Variants in TBC1D22A observed in about 807,000 individuals in gnomAD.
TBC1D22A encodes putative GTPase activator.
TBC1D22A carries 38 observed loss-of-function variants against 60.2 expected under a neutral mutation model. That is an observed-to-expected ratio of 0.63 (90% confidence interval 0.49 to 0.83). The LOEUF (loss-of-function observed/expected upper bound fraction) is 0.83. TBC1D22A is among the 40% of genes least tolerant of loss of function. The pLI, the probability that TBC1D22A is intolerant of heterozygous loss-of-function variation, is 0.00. For synonymous variants in TBC1D22A, 302 were observed against 281.7 expected, an observed-to-expected ratio of 1.07 and a Z score of -0.72; for missense variants, 628 against 701.0, an observed-to-expected ratio of 0.90 and a Z score of 1.18.
intron 8 of TBC1D22A, chr22:46,915,575 G>C (rs529614164): frequency 6.6e-6 from 3 of 456,712 alleles, no homozygotes; most frequent in Non-Finnish European, 1.3e-5. Flanking sequence ...GGATGAGCTT[G>C]TGTTGTTACT....
intron 4 of TBC1D22A, among the ~76,000 whole-genome samples, chr22:46,854,937 G>C (rs1569134907): frequency 6.6e-6 from 1 of 152,138 alleles, no homozygotes; most frequent in Non-Finnish European, 1.5e-5. Context: ...TAAAATATAT[G>C]ATAAAACATA....
rs968399491 is a variant in TBC1D22A, at chr22:47,079,696, G to A, written c.1330-31812G>A. Among the ~76,000 whole-genome samples, 4 of 152,154 alleles carry A rather than the reference G, an allele frequency of 2.6e-5. No individual in the cohort carries two copies. In the East Asian group the frequency reaches 5.8e-4, roughly 22 times the overall value. ...GTACTGCAAGATATTTGATTGATCCGAAAGAGTCTGGACATGTAGGAAAAA... is the reference window on the plus strand; with the variant it reads ...GTACTGCAAGATATTTGATTGATCCAAAAGAGTCTGGACATGTAGGAAAAA... On this transcript the variant is annotated intron_variant, in intron 11 of 12. Coordinates refer to ENST00000337137, the MANE Select transcript of TBC1D22A (RefSeq NM_014346.5).
At chr22:47,002,909 G>A (rs908968293) in intron 10 of TBC1D22A, among the ~76,000 whole-genome samples, 4 of 152,296 alleles carry the variant, frequency 2.6e-5, no homozygotes, top group Admixed American at 6.5e-5. Context: ...CAGCCCAGAG[G>A]CCTTCCCAGC....
chr22:47,127,711 A>G (rs2066517027), intron 12 of TBC1D22A, among the ~76,000 whole-genome samples: 1 of 152,060 alleles, frequency 6.6e-6, no homozygotes, highest in African/African-American at 2.4e-5. Flanking sequence ...TGTGAGTGGC[A>G]GGCACTGAGC....
intron 5 of TBC1D22A, among the ~76,000 whole-genome samples, chr22:46,890,633 C>G (rs964071158): frequency 1.3e-5 from 2 of 152,054 alleles, no homozygotes; most frequent in African/African-American, 2.4e-5. Flanking sequence ...CAACAGAAAC[C>G]ATGAAATCCT....
At chr22:46,811,162 G>C (rs801477) in intron 4 of TBC1D22A, among the ~76,000 whole-genome samples, 60,728 of 152,084 alleles carry the variant, frequency 0.4, 12,146 homozygotes, top group South Asian at 0.46. Flanking sequence ...GATTCAGGCA[G>C]TGGATGGTGA....
intron 8 of TBC1D22A, among the ~76,000 whole-genome samples, chr22:46,930,021 T>C (rs889590563): frequency 1.3e-5 from 2 of 152,162 alleles, no homozygotes; most frequent in Non-Finnish European, 2.9e-5. Context: ...CCTGATGTAC[T>C]TTATGCAGAG....
At chr22:47,059,405 C>T (rs2063499822) in intron 11 of TBC1D22A, among the ~76,000 whole-genome samples, 1 of 152,246 alleles carries the variant, frequency 6.6e-6, no homozygotes, top group Non-Finnish European at 1.5e-5. Flanking sequence ...ACTCTCACTT[C>T]ACTTTTCAGA....
chr22:47,162,261 A>T (rs1397443399), intron 12 of TBC1D22A, among the ~76,000 whole-genome samples: 4 of 148,738 alleles, frequency 2.7e-5, no homozygotes, highest in African/African-American at 1.0e-4. Context: ...TTCCTCCTGG[A>T]CTGGGAGTCA....
chr22:47,140,996 T>TA (rs2067063438), intron 12 of TBC1D22A, among the ~76,000 whole-genome samples: 1 of 152,160 alleles, frequency 6.6e-6, no homozygotes, highest in East Asian at 1.9e-4. Context: ...TTTAAAGAAA[T>TA]ACCCGAGACT....
intron 4 of TBC1D22A, among the ~76,000 whole-genome samples, chr22:46,842,820 G>A (rs1227945109): frequency 6.6e-6 from 1 of 152,256 alleles, no homozygotes; most frequent in Non-Finnish European, 1.5e-5. Context: ...AGGTAGGGAT[G>A]TTCCAGAGCT....
chr22:46,807,299 G>C (rs989806513), intron 4 of TBC1D22A, among the ~76,000 whole-genome samples: 45 of 126,956 alleles, frequency 3.5e-4, no homozygotes, highest in African/African-American at 1.2e-3. Context: ...AGTAGTGATG[G>C]CGATGATAAC....
chr22:47,160,211 A>G (rs1258356745), intron 12 of TBC1D22A, among the ~76,000 whole-genome samples: 1 of 152,216 alleles, frequency 6.6e-6, no homozygotes, highest in Non-Finnish European at 1.5e-5. Flanking sequence ...ACGTGTGGAC[A>G]GGACGTGGAC....
intron 4 of TBC1D22A, among the ~76,000 whole-genome samples, chr22:46,872,435 T>C (rs2067334908): frequency 6.6e-6 from 1 of 152,200 alleles, no homozygotes; most frequent in South Asian, 2.1e-4. Context: ...GCAAATTGAC[T>C]TTTGCCTTAA....
intron 9 of TBC1D22A, among the ~76,000 whole-genome samples, chr22:46,986,773 T>C (rs2074740154): frequency 6.6e-6 from 1 of 152,224 alleles, no homozygotes; most frequent in South Asian, 2.1e-4. Flanking sequence ...TGCTGTAGCA[T>C]AACAAATGAC....
chr22:47,125,201 A>C (rs1322338346), intron 12 of TBC1D22A, among the ~76,000 whole-genome samples: 3 of 152,140 alleles, frequency 2.0e-5, no homozygotes, highest in Non-Finnish European at 4.4e-5. Context: ...CAGCATGGCC[A>C]AATGCACCCC....
chr22:47,054,709 C>T (rs749038202), intron 11 of TBC1D22A, among the ~76,000 whole-genome samples: 20 of 148,492 alleles, frequency 1.3e-4, no homozygotes, highest in Non-Finnish European at 2.7e-4. Flanking sequence ...GTAGCAGGGC[C>T]GGTGGTGGGC....
chr22:46,831,560 G>A (rs995266200), intron 4 of TBC1D22A, among the ~76,000 whole-genome samples: 8 of 152,082 alleles, frequency 5.3e-5, no homozygotes, highest in Non-Finnish European at 1.0e-4. Context: ...TCACACCCAT[G>A]GTCTGATTGA....
At chr22:46,785,034 CAGAT>C (rs1346689968) in intron 1 of TBC1D22A, among the ~76,000 whole-genome samples, 2 of 152,184 alleles carry the variant, frequency 1.3e-5, no homozygotes, top group Admixed American at 1.3e-4. Context: ...AAGGACATGA[CAGAT>C]AGATTGTGCT....
Sources: gnomAD v4.1 joint callset for allele counts (sites outside exome capture counted in the v4.1 genomes callset) on GRCh38, gnomAD v4.1.1 for gene constraint, MANE v1.5 for transcripts, NCBI Gene and HGNC (gene_info 2026-07-23, HGNC 2026-07-21) for gene names.